DCUN1D2: variants seen among roughly 807,000 people sequenced by gnomAD.
DCUN1D2 encodes DCN1-like protein 2.
In DCUN1D2, 29 loss-of-function variants were observed where a neutral mutation model predicts 30.9. The ratio of observed to expected loss-of-function variants is 0.94; its 90% CI spans 0.70 to 1.28. The LOEUF is 1.28. Among genes scored for constraint, DCUN1D2 ranks in the 50% most tolerant of loss-of-function variants. DCUN1D2 has a pLI of 0.00. For synonymous variants in DCUN1D2, 121 were observed against 115.3 expected (o/e 1.05, Z -0.32); for missense variants, 325 against 316.9 (o/e 1.03, Z -0.19).
At chr13:113,482,144 G>T (rs146674410) in intron 2 of DCUN1D2, among the ~76,000 whole-genome samples, 1 of 152,122 alleles carries the variant, frequency 6.6e-6, no homozygotes, top group Middle Eastern at 3.2e-3. Flanking sequence ...GCAAGTACTT[G>T]TTCATTTGTA....
Position 113,484,094 on chromosome 13 carries a change from CG to C in DCUN1D2, c.4-39del, listed in dbSNP as rs755248237. ...AAAGAAGTAGGAAAGCCAATGAAGC[CG>C]CTCCAGGTTTGTCCCAGCTTTAGCC... On this transcript the variant is annotated intron_variant, in intron 1 of 6. Transcript: ENST00000478244. 5.0e-6 allele frequency: 8 copies of C among 1,609,142 alleles called. No homozygotes were observed. The South Asian group carries it at 8.8e-5, about 18-fold the overall frequency.
intron 1 of DCUN1D2, among the ~76,000 whole-genome samples, chr13:113,487,417 T>A (rs2139751127): frequency 6.6e-6 from 1 of 151,824 alleles, no homozygotes; most frequent in African/African-American, 2.4e-5. Flanking sequence ...ACATGCCACA[T>A]GGATGAACTT....
chr13:113,486,371 C>A (rs911506794), intron 1 of DCUN1D2, among the ~76,000 whole-genome samples: 9 of 152,146 alleles, frequency 5.9e-5, no homozygotes, highest in South Asian at 2.1e-4. Context: ...GGGAGAGGAT[C>A]CCAAAACTAC....
intron 5 of DCUN1D2, among the ~76,000 whole-genome samples, chr13:113,460,749 G>A (rs2044305144): frequency 6.6e-6 from 1 of 152,216 alleles, no homozygotes; most frequent in Non-Finnish European, 1.5e-5. Flanking sequence ...GTCCTCAGAG[G>A]AGACAACACG....
At chr13:113,481,839 A>C (rs969375954) in intron 2 of DCUN1D2, among the ~76,000 whole-genome samples, 2 of 147,004 alleles carry the variant, frequency 1.4e-5, no homozygotes, top group Non-Finnish European at 3.0e-5. Context: ...AGCCAAGATC[A>C]TGCCATTGCA....
intron 3 of DCUN1D2, among the ~76,000 whole-genome samples, chr13:113,477,275 T>C (rs1273857837): frequency 5.3e-5 from 8 of 152,264 alleles, no homozygotes; most frequent in Admixed American, 5.2e-4. Context: ...AGTATATTTC[T>C]CCATTTATTC....
chr13:113,471,240 A>T (rs1395137912), intron 4 of DCUN1D2, among the ~76,000 whole-genome samples: 1 of 150,512 alleles, frequency 6.6e-6, no homozygotes. Flanking sequence ...CCAACTCCAC[A>T]GAAGACCCAA....
chr13:113,486,642 T>C (rs2044808871), intron 1 of DCUN1D2, among the ~76,000 whole-genome samples: 1 of 152,232 alleles, frequency 6.6e-6, no homozygotes, highest in African/African-American at 2.4e-5. Context: ...GGATCCCTTT[T>C]GGAATCTGAG....
chr13:113,473,452 T>C (rs767991508), intron 4 of DCUN1D2, among the ~76,000 whole-genome samples: 6 of 152,198 alleles, frequency 3.9e-5, no homozygotes, highest in Non-Finnish European at 7.3e-5. Context: ...TCCATACAAA[T>C]GGAGTACAGT....
intron 3 of DCUN1D2, among the ~76,000 whole-genome samples, chr13:113,475,167 T>C (rs1051124676): frequency 7.9e-5 from 12 of 152,128 alleles, no homozygotes; most frequent in Non-Finnish European, 1.6e-4. Context: ...AAAGCACAAA[T>C]GTATGACTCA....
At chr13:113,467,816 G>A (rs2044431083) in intron 4 of DCUN1D2, among the ~76,000 whole-genome samples, 1 of 152,064 alleles carries the variant, frequency 6.6e-6, no homozygotes, top group Non-Finnish European at 1.5e-5. Context: ...GGCCGAGGTG[G>A]GTGGATCACC....
intron 2 of DCUN1D2, among the ~76,000 whole-genome samples, chr13:113,483,060 TAAAGTTTTAG>T (rs1437045149): frequency 6.6e-6 from 1 of 152,222 alleles, no homozygotes; most frequent in Non-Finnish European, 1.5e-5. Flanking sequence ...GGTTTTGTTT[TAAAGTTTTAG>T]AAAACTTAGC....
upstream of DCUN1D2, chr13:113,490,819 G>A (rs1194157494): frequency 3.9e-5 from 26 of 664,126 alleles, no homozygotes; most frequent in Non-Finnish European, 5.1e-5. This position sits in a 1 kb window ranked among gnomAD's most constrained non-coding sequence, Gnocchi z 5.2. Context: ...CATGCTCAGC[G>A]CCGCCCGGGG....
intron 1 of DCUN1D2, among the ~76,000 whole-genome samples, chr13:113,485,740 G>T (rs907737304): frequency 6.6e-6 from 1 of 151,694 alleles, no homozygotes; most frequent in Non-Finnish European, 1.5e-5. Flanking sequence ...TTAAGATAAC[G>T]CTGTCCAGAT....
rs2044227068 is a variant in DCUN1D2, at chr13:113,456,426, C to T, written c.*1603G>A. On this transcript the variant is annotated 3_prime_UTR_variant, in exon 7 of 7. Coordinates refer to ENST00000478244, the MANE Select transcript of DCUN1D2 (RefSeq NM_001014283.2). ...CCTGAAGCCCAGGGTAAGTCCTGTT[C>T]TCAGAAGCCAACCCAGCTGCTTGTC... 1 of 398,808 alleles carries T rather than the reference C, an allele frequency of 2.5e-6. No homozygotes were observed. The highest frequency in any genetic ancestry group is 4.4e-6 in the Non-Finnish European group (1 of 226,194). 24.7% of individuals were successfully genotyped at this position (398,808 alleles called of 1,614,324 possible).
At chr13:113,485,557 A>G (rs186613005) in intron 1 of DCUN1D2, among the ~76,000 whole-genome samples, 384 of 152,258 alleles carry the variant, frequency 2.5e-3, no homozygotes, top group African/African-American at 8.7e-3. Flanking sequence ...AACCTGAGGA[A>G]ACGTCTTCTG....
chr13:113,465,119 TA>T (rs939735872), intron 4 of DCUN1D2, among the ~76,000 whole-genome samples: 5 of 152,366 alleles, frequency 3.3e-5, no homozygotes, highest in African/African-American at 1.2e-4. Flanking sequence ...TCAATAAATA[TA>T]AATGATTATC....
chr13:113,483,714 T>G, intron 2 of DCUN1D2, 126 bp downstream of exon 2: 1 of 862,286 alleles, frequency 1.2e-6, no homozygotes, highest in Admixed American at 2.3e-5. Flanking sequence ...CGCCGAGCGC[T>G]GAGCGTGGGG....
At chr13:113,472,817 G>T (rs943222769) in intron 4 of DCUN1D2, among the ~76,000 whole-genome samples, 5 of 152,204 alleles carry the variant, frequency 3.3e-5, no homozygotes, top group Non-Finnish European at 7.3e-5. Flanking sequence ...TGTCACCCAA[G>T]AGGCAAAGCG....
Sources: gnomAD v4.1 joint callset for allele counts (sites outside exome capture counted in the v4.1 genomes callset) on GRCh38, gnomAD v4.1.1 for gene constraint, Gnocchi (gnomAD v3.1) non-coding constraint, MANE v1.5 for transcripts, NCBI Gene and HGNC (gene_info 2026-07-23, HGNC 2026-07-21) for gene names.